The following FAM229B variants were observed in gnomAD, a reference collection of about 807,000 sequenced individuals.
The protein encoded by FAM229B is protein FAM229B.
A neutral mutation model predicts 6.7 loss-of-function variants in FAM229B; 2 were observed. The ratio of observed to expected loss-of-function variants is 0.30; its 90% CI spans 0.12 to 0.94. FAM229B has a LOEUF of 0.94. FAM229B is among the 40% of genes least tolerant of loss of function. The pLI is 0.54. For synonymous variants in FAM229B, 29 were observed against 34.0 expected, an observed-to-expected ratio of 0.85 and a Z score of 0.51; for missense variants, 93 against 96.2, an observed-to-expected ratio of 0.97 and a Z score of 0.14.
At chr6:112,090,080 CACATTCAGT>C in intron 1 of FAM229B, among the ~76,000 whole-genome samples, 1 of 152,274 alleles carries the variant, frequency 6.6e-6, no homozygotes, top group South Asian at 2.1e-4. Context: ...ATCTATATAG[CACATTCAGT>C]ACTGGAAGGC....
chr6:112,093,859 T>A (rs1284942600), intron 1 of FAM229B, among the ~76,000 whole-genome samples: 1 of 152,052 alleles, frequency 6.6e-6, no homozygotes, highest in Non-Finnish European at 1.5e-5. Flanking sequence ...AGGATTCAAG[T>A]GATACAAAGA....
chr6:112,102,257 A>T lies in FAM229B; in HGVS notation c.*1470A>T, dbSNP rs1777408526. On this transcript the variant is annotated 3_prime_UTR_variant, in exon 4 of 4. Coordinates refer to ENST00000368656, the MANE Select transcript of FAM229B (RefSeq NM_001033564.3). ...CTGGCACTTTGGGAGGCCGAAGTGG[A>T]TGGATTATCTGAGGTCAGGCATTCG... 6.6e-6 allele frequency: 1 copy of T among 152,006 alleles called. No individual in the cohort carries two copies. Among genetic ancestry groups the T allele is most frequent in the Non-Finnish European group, 1.5e-5 (1 of 67,982 alleles). The allele number at this position is 152,006 out of a possible 1,614,324, so 9.4% of individuals were successfully genotyped here.
intron 1 of FAM229B, among the ~76,000 whole-genome samples, chr6:112,087,954 C>T (rs1342817908): frequency 1.3e-5 from 2 of 152,110 alleles, no homozygotes; most frequent in African/African-American, 4.8e-5. Context: ...CATGTCAGGG[C>T]ACAATTGAAA....
At chr6:112,098,203 G>A (rs73541453) in intron 2 of FAM229B, among the ~76,000 whole-genome samples, 7,553 of 152,206 alleles carry the variant, frequency 0.05, 622 homozygotes, top group African/African-American at 0.17. Flanking sequence ...CTTAGATAAT[G>A]GGGGTTATAA....
chr6:112,091,772 A>G (rs2114502429), intron 1 of FAM229B, among the ~76,000 whole-genome samples: 2 of 152,298 alleles, frequency 1.3e-5, no homozygotes, highest in Middle Eastern at 3.4e-3. Context: ...AATGGCACAA[A>G]TGAAAGAATT....
chr6:112,099,737 C>A (rs771330986), intron 3 of FAM229B, among the ~76,000 whole-genome samples: 13 of 152,150 alleles, frequency 8.5e-5, no homozygotes, highest in Non-Finnish European at 1.5e-4. Flanking sequence ...TTCAATTAAA[C>A]AAACAAAACT....
At chr6:112,093,056 A>G (rs1365377229) in intron 1 of FAM229B, among the ~76,000 whole-genome samples, 1 of 151,938 alleles carries the variant, frequency 6.6e-6, no homozygotes, top group Non-Finnish European at 1.5e-5. Flanking sequence ...ATCATATTAA[A>G]TATTAATATA....
rs782336789 is a variant in FAM229B, at chr6:112,100,716, G to A, written c.172G>A (p.Val58Ile). ...AAGTCATTGCCTGACAATAACTGAT[G>A]TTCCCGTCACTGTTTATGCAACAAC... Reference protein sequence around the residue: ...PGSHCLTITDVPVTVYATTRK... With the variant: ...PGSHCLTITDIPVTVYATTRK... Residue 58 changes from valine (V) to isoleucine (I), a missense_variant, in exon 4 of 4, where the codon GTT (valine) becomes ATT (isoleucine). By Grantham distance (29) the Val-to-Ile change is conservative. Transcript: ENST00000368656. 21 of 1,613,934 alleles carry A rather than the reference G, an allele frequency of 1.3e-5. No homozygotes were observed. The East Asian group carries it at 2.9e-4, about 22-fold the overall frequency.
chr6:112,098,127 A>G (rs1777351099), intron 2 of FAM229B, among the ~76,000 whole-genome samples: 1 of 152,214 alleles, frequency 6.6e-6, no homozygotes, highest in African/African-American at 2.4e-5. Flanking sequence ...GAATAGTGTC[A>G]TGGTTGAGAA....
At chr6:112,097,314 A>G (rs913102113) in intron 2 of FAM229B, 113 bp downstream of exon 2, 2 of 152,220 alleles carry the variant, frequency 1.3e-5, no homozygotes, top group African/African-American at 4.8e-5. Flanking sequence ...ATTGAGCGAA[A>G]CACTTTTTTC....
rs587614375 is a variant in FAM229B at position 112,091,004 on chromosome 6, C to T, written c.-176+3284C>T. 1.8e-3 allele frequency among the ~76,000 whole-genome samples: 274 copies of T among 150,110 alleles called. 4 individuals carry two copies. The highest frequency in any genetic ancestry group is 6.8e-3 in the African/African-American group (268 of 39,552). On this transcript the variant is annotated intron_variant, in intron 1 of 3. Transcript: ENST00000368656. ...CGTTGGACATCTTTCTGATCTCTAT[C>T]CCTGTCCCACCCTCCAGCTTTGCTA... is the stretch of plus-strand genomic sequence containing the variant.
intron 1 of FAM229B, among the ~76,000 whole-genome samples, chr6:112,091,639 GA>G (rs1165497790): frequency 3.9e-5 from 6 of 152,070 alleles, no homozygotes; most frequent in Admixed American, 1.3e-4. Flanking sequence ...ATACTTAGAG[GA>G]ATAAAAATAA....
chr6:112,100,721 C>CGTCACT lies in FAM229B; in HGVS notation c.180_185dup (p.Thr61_Val62dup). ...ATTGCCTGACAATAACTGATGTTCC[C>CGTCACT]GTCACTGTTTATGCAACAACGAGAA... On this transcript the variant is annotated inframe_insertion, in exon 4 of 4. Transcript: ENST00000368656. The CGTCACT allele has an allele frequency of 1.2e-6, 2 of 1,613,972 alleles. No individual in the cohort carries two copies. The highest frequency in any genetic ancestry group is 2.2e-5 in the South Asian group (2 of 91,070).
Position 112,096,835 on chromosome 6 carries a change from A to G in FAM229B, c.-175-206A>G, listed in dbSNP as rs962468285. Among the ~76,000 whole-genome samples, 5 of 152,182 alleles carry G rather than the reference A, an allele frequency of 3.3e-5. No homozygotes were observed. In the East Asian group the frequency reaches 7.7e-4, roughly 23 times the overall value. ...GGGAGAGAAAGGGAATGAGGAAAAC[A>G]GGATATAAAATGAGAAGAATCTCAA... On this transcript the variant is annotated intron_variant, in intron 1 of 3. Coordinates refer to ENST00000368656, the MANE Select transcript of FAM229B (RefSeq NM_001033564.3).
intron 1 of FAM229B, 83 bp from the exon 2 acceptor site, chr6:112,096,958 C>T (rs1777334673): frequency 6.6e-6 from 1 of 152,222 alleles, no homozygotes; most frequent in African/African-American, 2.4e-5. Context: ...AAGAATGAAA[C>T]TCTCCAAAAA....
intron 1 of FAM229B, among the ~76,000 whole-genome samples, chr6:112,091,053 T>A (rs1777251012): frequency 7.0e-6 from 1 of 142,396 alleles, no homozygotes; most frequent in Admixed American, 6.9e-5. Context: ...ACCATTCTAC[T>A]CTCTACTTTT....
intron 1 of FAM229B, among the ~76,000 whole-genome samples, chr6:112,096,284 C>T (rs1351374366): frequency 1.3e-5 from 2 of 152,068 alleles, no homozygotes; most frequent in Non-Finnish European, 2.9e-5. Flanking sequence ...CGGCCGGGCG[C>T]GGTGGCTCAC....
At position 112,100,678 on chromosome 6, in the gene FAM229B, G is replaced by A. The variant is rs1415921615; in HGVS notation, c.134G>A (p.Arg45Gln). The A allele has an allele frequency of 5.0e-6, 8 of 1,613,114 alleles. No individual in the cohort carries two copies. Among genetic ancestry groups the A allele is most frequent in the East Asian group, 2.2e-5 (1 of 44,876 alleles). ...GKEMSPTRQL[R>Q]RCPGSHCLTI... ...TCTGCTTTTTTATTCAGGCAACTCCGGAGGTGCCCTGGAAGTCATTGCCTG... is the reference window on the plus strand; with the variant it reads ...TCTGCTTTTTTATTCAGGCAACTCCAGAGGTGCCCTGGAAGTCATTGCCTG... Residue 45 changes from arginine to glutamine, a missense_variant, in exon 4 of 4, where the codon CGG becomes CAG. Transcript: ENST00000368656.
Position 112,099,237 on chromosome 6 carries a change from C to G in FAM229B, c.-14-33C>G, listed in dbSNP as rs781786700. The G allele has an allele frequency of 6.3e-6, 10 of 1,576,554 alleles. No homozygotes were observed. In the South Asian group the frequency reaches 1.0e-4, roughly 16 times the overall value. ...ACCCCCAATATTTTAATTTTCTAATCTAGGTTTTCAATATTTTAACTTTCC... is the reference window on the plus strand; with the variant it reads ...ACCCCCAATATTTTAATTTTCTAATGTAGGTTTTCAATATTTTAACTTTCC... On this transcript the variant is annotated intron_variant, in intron 2 of 3. Coordinates refer to ENST00000368656, the MANE Select transcript of FAM229B (RefSeq NM_001033564.3).
Sources: gnomAD v4.1 joint callset for allele counts (sites outside exome capture counted in the v4.1 genomes callset) on GRCh38, gnomAD v4.1.1 for gene constraint, MANE v1.5 for transcripts, NCBI Gene and HGNC (gene_info 2026-07-23, HGNC 2026-07-21) for gene names.